Variants in NIPAL2 observed in about 807,000 individuals in gnomAD.
NIPAL2 encodes the protein NIPA like domain containing 2.
In NIPAL2, 43 loss-of-function variants were observed where a neutral mutation model predicts 48.9. The observed-to-expected ratio is 0.88, with a 90% CI of 0.69 to 1.13. NIPAL2 has a LOEUF of 1.13. NIPAL2 is among the 50% of genes most tolerant of loss of function. The pLI is 0.00. For synonymous variants in NIPAL2, 167 were observed against 174.6 expected (o/e 0.96, Z 0.34); for missense variants, 446 against 461.4 (o/e 0.97, Z 0.31).
intron 1 of NIPAL2, among the ~76,000 whole-genome samples, chr8:98,259,025 A>C (rs893530733): frequency 6.9e-6 from 1 of 145,070 alleles, no homozygotes; most frequent in Non-Finnish European, 1.5e-5. Context: ...AAAATACATA[A>C]TTTTTCATCA....
intron 4 of NIPAL2, among the ~76,000 whole-genome samples, chr8:98,224,755 CTTTTTTTT>C (rs371936351): frequency 1.6e-5 from 2 of 123,766 alleles, no homozygotes; most frequent in Admixed American, 9.5e-5. Flanking sequence ...TCTTTCTTTT[CTTTTTTTT>C]TTTTTTTTTT....
chr8:98,272,151 G>T (rs966380940), intron 1 of NIPAL2, among the ~76,000 whole-genome samples: 1 of 152,114 alleles, frequency 6.6e-6, no homozygotes, highest in Non-Finnish European at 1.5e-5. Context: ...CTGAACCTGA[G>T]AGGTTTAAGT....
chr8:98,231,307 C>T (rs1812428588), intron 4 of NIPAL2, among the ~76,000 whole-genome samples: 1 of 152,128 alleles, frequency 6.6e-6, no homozygotes, highest in South Asian at 2.1e-4. Context: ...CCAAAACAGT[C>T]AATCTGTCTT....
intron 1 of NIPAL2, among the ~76,000 whole-genome samples, chr8:98,258,218 T>G (rs1814025082): frequency 6.6e-6 from 1 of 152,166 alleles, no homozygotes; most frequent in Non-Finnish European, 1.5e-5. Flanking sequence ...GAATGGTGGT[T>G]GCCAGAGTTG....
intron 1 of NIPAL2, among the ~76,000 whole-genome samples, chr8:98,285,993 G>A (rs1176674581): frequency 6.6e-6 from 1 of 152,186 alleles, no homozygotes; most frequent in Non-Finnish European, 1.5e-5. Flanking sequence ...AGTATTGAAG[G>A]TGTGACCTTT....
At chr8:98,284,607 C>T (rs1816051883) in intron 1 of NIPAL2, among the ~76,000 whole-genome samples, 1 of 152,048 alleles carries the variant, frequency 6.6e-6, no homozygotes, top group Non-Finnish European at 1.5e-5. Context: ...TTCACTGACC[C>T]AGCCTAATGT....
At position 98,242,488 on chromosome 8, in the gene NIPAL2, A is replaced by ATTTTTTGTTTTTTTTTTTTT. The variant is rs774556900; in HGVS notation, c.377-6275_377-6274insAAAAAAAAAAAAACAAAAAA. On this transcript the variant is annotated intron_variant, in intron 3 of 10. Transcript: ENST00000430223. ...AGGCAAAAGCCACTGCACCTGACAG[A>ATTTTTTGTTTTTTTTTTTTT]TTTTTTTTTTTTTTTTTTTAACTGA... Among the ~76,000 whole-genome samples, 32 of 117,744 alleles carry ATTTTTTGTTTTTTTTTTTTT rather than the reference A, an allele frequency of 2.7e-4. 5 individuals are homozygous for ATTTTTTGTTTTTTTTTTTTT. Among genetic ancestry groups the ATTTTTTGTTTTTTTTTTTTT allele is most frequent in the South Asian group, 8.3e-4 (3 of 3,618 alleles). 77.2% of individuals were successfully genotyped at this position (117,744 alleles called of 152,430 possible). A position where few individuals can be genotyped will look rare whatever the true frequency, so the allele number is the denominator to read the frequency against.
chr8:98,244,520 A>T, intron 3 of NIPAL2, among the ~76,000 whole-genome samples: 1 of 69,752 alleles, frequency 1.4e-5, no homozygotes, highest in East Asian at 5.3e-4. Flanking sequence ...GTAGGCTGTG[A>T]TAAGGGGGGT....
At chr8:98,238,777 A>G (rs1383567802) in intron 3 of NIPAL2, among the ~76,000 whole-genome samples, 1 of 152,210 alleles carries the variant, frequency 6.6e-6, no homozygotes, top group East Asian at 1.9e-4. Flanking sequence ...TAAAACATTA[A>G]AGCAAGGTTT....
At chr8:98,271,254 G>A (rs1031892993) in intron 1 of NIPAL2, among the ~76,000 whole-genome samples, 6 of 152,028 alleles carry the variant, frequency 3.9e-5, no homozygotes, top group Non-Finnish European at 5.9e-5. Flanking sequence ...TAATTTGATA[G>A]GAATAGTATA....
At chr8:98,206,104 T>G (rs1357011811) in intron 6 of NIPAL2, among the ~76,000 whole-genome samples, 2 of 152,214 alleles carry the variant, frequency 1.3e-5, no homozygotes, top group Non-Finnish European at 2.9e-5. Context: ...TTCTGTCTTA[T>G]GTCCCTCGAA....
chr8:98,268,162 T>A (rs193070409), intron 1 of NIPAL2, among the ~76,000 whole-genome samples: 1 of 152,198 alleles, frequency 6.6e-6, no homozygotes, highest in Non-Finnish European at 1.5e-5. Context: ...AAGGTAGATA[T>A]CACCTTAGTT....
intron 6 of NIPAL2, among the ~76,000 whole-genome samples, chr8:98,208,915 C>T (rs1198666290): frequency 6.6e-6 from 1 of 152,126 alleles, no homozygotes; most frequent in African/African-American, 2.4e-5. Context: ...ATGGATACAA[C>T]ATGACTTTCA....
chr8:98,284,418 TCACACA>T (rs57611524), intron 1 of NIPAL2, among the ~76,000 whole-genome samples: 10,628 of 146,310 alleles, frequency 0.073, 894 homozygotes, highest in African/African-American at 0.21. Flanking sequence ...TCTCTCTCTC[TCACACA>T]CACACACACA....
At chr8:98,277,387 A>G (rs1815532776) in intron 1 of NIPAL2, among the ~76,000 whole-genome samples, 1 of 152,064 alleles carries the variant, frequency 6.6e-6, no homozygotes, top group Admixed American at 6.5e-5. Flanking sequence ...AATACAAAAA[A>G]TTAGCTGGGC....
chr8:98,219,643 CT>C (rs1811750211), intron 5 of NIPAL2, among the ~76,000 whole-genome samples: 1 of 152,172 alleles, frequency 6.6e-6, no homozygotes. Flanking sequence ...TACTCTAGAA[CT>C]TGGTCCTTTT....
chr8:98,228,142 C>T (rs549126531), intron 4 of NIPAL2, among the ~76,000 whole-genome samples: 1 of 152,346 alleles, frequency 6.6e-6, no homozygotes, highest in African/African-American at 2.4e-5. Flanking sequence ...GACCATCCTT[C>T]CTACCCTCTT....
At chr8:98,247,475 C>T (rs1240651105) in intron 3 of NIPAL2, among the ~76,000 whole-genome samples, 1 of 152,130 alleles carries the variant, frequency 6.6e-6, no homozygotes, top group African/African-American at 2.4e-5. Context: ...GTTGGGCGGG[C>T]TGTGTAAGTT....
chr8:98,234,383 C>G (rs950629095), intron 4 of NIPAL2, among the ~76,000 whole-genome samples: 9 of 152,144 alleles, frequency 5.9e-5, no homozygotes, highest in Admixed American at 5.9e-4. Context: ...TATCTGCATT[C>G]TCTCATTAAA....
Sources: allele counts gnomAD v4.1 joint callset (sites outside exome capture counted in the v4.1 genomes callset), GRCh38; gene constraint gnomAD v4.1.1; transcripts MANE v1.5; gene names NCBI Gene and HGNC (gene_info 2026-07-23, HGNC 2026-07-21).